PTPRD: variants seen among roughly 807,000 people sequenced by gnomAD.
PTPRD encodes the protein protein tyrosine phosphatase receptor type D.
A neutral mutation model predicts 214.5 loss-of-function variants in PTPRD; 34 were observed. The ratio of observed to expected loss-of-function variants is 0.16; its 90% CI spans 0.12 to 0.21. PTPRD has a LOEUF of 0.21. PTPRD is among the 10% of genes least tolerant of loss of function. PTPRD has a pLI of 1.00. For synonymous variants in PTPRD, 1,128 were observed against 845.7 expected, an observed-to-expected ratio of 1.33 and a Z score of -5.79; for missense variants, 2,545 against 2,398.7, an observed-to-expected ratio of 1.06 and a Z score of -1.27.
At chr9:9,960,401 C>A (rs7851920) in intron 4 of PTPRD, among the ~76,000 whole-genome samples, 15,182 of 152,046 alleles carry the variant, frequency 0.1, 1,223 homozygotes, top group East Asian at 0.36. Context: ...TGGAGCGTAA[C>A]TTTCCACTCC....
chr9:8,326,172 T>G (rs1833523220), intron 44 of PTPRD, among the ~76,000 whole-genome samples: 1 of 152,170 alleles, frequency 6.6e-6, no homozygotes, highest in African/African-American at 2.4e-5. Context: ...GTGCTTCCAG[T>G]TTTTGCCCAT....
At chr9:8,387,732 T>A (rs1183598909) in intron 37 of PTPRD, among the ~76,000 whole-genome samples, 1 of 152,218 alleles carries the variant, frequency 6.6e-6, no homozygotes, top group East Asian at 1.9e-4. Context: ...TGTAATGTTC[T>A]GGGCCCCAGT....
chr9:10,005,546 A>G (rs1018228657), intron 4 of PTPRD, among the ~76,000 whole-genome samples: 1 of 152,098 alleles, frequency 6.6e-6, no homozygotes, highest in African/African-American at 2.4e-5. Flanking sequence ...CGAGAATTTA[A>G]GAGTGTGTCT....
chr9:9,532,234 T>G (rs1378470603), intron 8 of PTPRD, among the ~76,000 whole-genome samples: 1 of 152,100 alleles, frequency 6.6e-6, no homozygotes, highest in Non-Finnish European at 1.5e-5. Context: ...AGAGAAGGTC[T>G]GTGTGGTGGA....
chr9:10,565,833 C>T (rs994509199), intron 2 of PTPRD, among the ~76,000 whole-genome samples: 10 of 151,914 alleles, frequency 6.6e-5, no homozygotes, highest in Non-Finnish European at 1.3e-4. Flanking sequence ...AAATACAATA[C>T]ATATACATGC....
chr9:9,554,162 C>G (rs574959745), intron 8 of PTPRD, among the ~76,000 whole-genome samples: 1 of 152,122 alleles, frequency 6.6e-6, no homozygotes, highest in Non-Finnish European at 1.5e-5. Flanking sequence ...AACTCAACCA[C>G]TGGTTCATGT....
intron 10 of PTPRD, among the ~76,000 whole-genome samples, chr9:9,030,955 G>T (rs561570533): frequency 6.6e-6 from 1 of 151,958 alleles, no homozygotes; most frequent in Non-Finnish European, 1.5e-5. Flanking sequence ...TCTCTCAGTG[G>T]AATGAAGAAT....
intron 5 of PTPRD, among the ~76,000 whole-genome samples, chr9:9,920,035 C>T (rs1459502814): frequency 1.3e-5 from 2 of 151,972 alleles, no homozygotes; most frequent in Non-Finnish European, 2.9e-5. Flanking sequence ...TTACAATAAA[C>T]GGGATTTAAC....
At chr9:10,425,356 C>T (rs1565951408) in intron 2 of PTPRD, among the ~76,000 whole-genome samples, 1 of 151,944 alleles carries the variant, frequency 6.6e-6, no homozygotes, top group Non-Finnish European at 1.5e-5. Context: ...TCTTCTATTA[C>T]CTATCATAGT....
At chr9:10,560,206 C>T (rs998363115) in intron 2 of PTPRD, among the ~76,000 whole-genome samples, 41 of 152,282 alleles carry the variant, frequency 2.7e-4, no homozygotes, top group African/African-American at 9.6e-4. Context: ...GGCACATATA[C>T]ACCATGGAAT....
intron 11 of PTPRD, among the ~76,000 whole-genome samples, chr9:8,836,220 T>G (rs1036426665): frequency 1.6e-4 from 24 of 152,182 alleles, no homozygotes; most frequent in Non-Finnish European, 2.8e-4. Flanking sequence ...ACTTGTGAAT[T>G]AATTCAGGCG....
intron 5 of PTPRD, among the ~76,000 whole-genome samples, chr9:9,787,630 G>C (rs1388034339): frequency 6.6e-6 from 1 of 151,870 alleles, no homozygotes; most frequent in African/African-American, 2.4e-5. Flanking sequence ...AGGGATTTGG[G>C]ACACCCAATA....
intron 5 of PTPRD, among the ~76,000 whole-genome samples, chr9:9,785,596 G>C (rs2098916969): frequency 6.6e-6 from 1 of 152,082 alleles, no homozygotes; most frequent in South Asian, 2.1e-4. Context: ...GATAAAGAGA[G>C]ATTTAGCAAT....
At chr9:10,115,863 G>A (rs2098726719) in intron 3 of PTPRD, among the ~76,000 whole-genome samples, 1 of 152,054 alleles carries the variant, frequency 6.6e-6, no homozygotes, top group African/African-American at 2.4e-5. Flanking sequence ...AAATATGTAT[G>A]TGTGTATCCC....
chr9:9,040,408 T>C (rs2099635974), intron 10 of PTPRD, among the ~76,000 whole-genome samples: 1 of 152,172 alleles, frequency 6.6e-6, no homozygotes, highest in Admixed American at 6.6e-5. Context: ...TAAACATGAA[T>C]TAAGTTAGAA....
chr9:10,059,988 A>G (rs56873056), intron 3 of PTPRD, among the ~76,000 whole-genome samples: 110 of 152,132 alleles, frequency 7.2e-4, no homozygotes, highest in African/African-American at 2.5e-3. Flanking sequence ...ACTCCTTCTA[A>G]TATTAGTGTT....
At chr9:9,254,293 A>G (rs1222317031) in intron 9 of PTPRD, among the ~76,000 whole-genome samples, 3 of 151,860 alleles carry the variant, frequency 2.0e-5, no homozygotes, top group African/African-American at 4.8e-5. Flanking sequence ...AAGTCTATAT[A>G]TTTTCTATTT....
chr9:8,717,937 A>G (rs1006975860), intron 12 of PTPRD, among the ~76,000 whole-genome samples: 2 of 152,180 alleles, frequency 1.3e-5, no homozygotes, highest in African/African-American at 4.8e-5. Context: ...TCCCTTTATT[A>G]TAATTATCTT....
chr9:8,496,147 T>C (rs944237509), intron 26 of PTPRD, among the ~76,000 whole-genome samples: 4 of 150,968 alleles, frequency 2.6e-5, no homozygotes, highest in Non-Finnish European at 5.9e-5. Context: ...TTAAAAAATA[T>C]GTATGTTCCA....
Sources: allele counts gnomAD v4.1 joint callset (sites outside exome capture counted in the v4.1 genomes callset), GRCh38; gene constraint gnomAD v4.1.1; transcripts MANE v1.5; gene names NCBI Gene and HGNC (gene_info 2026-07-23, HGNC 2026-07-21).